Variants in BAZ2B observed in about 807,000 individuals in gnomAD.
The protein encoded by BAZ2B is bromodomain adjacent to zinc finger domain 2B.
In BAZ2B, 91 loss-of-function variants were observed where a neutral mutation model predicts 246.0. The observed-to-expected ratio is 0.37, with a 90% CI of 0.31 to 0.44. The LOEUF (loss-of-function observed/expected upper bound fraction) is 0.44, where lower values mean the gene tolerates loss of function less well. Among genes scored for constraint, BAZ2B ranks in the 20% least tolerant of loss-of-function variants. The pLI, the probability that BAZ2B is intolerant of heterozygous loss-of-function variation, is 1.00. For missense variants in BAZ2B, 2,332 were observed against 2,533.7 expected (o/e 0.92, Z 1.71); for synonymous variants, 855 against 860.0 (o/e 0.99, Z 0.10).
chr2:159,583,112 C>CTT (rs11296306), intron 1 of BAZ2B, among the ~76,000 whole-genome samples: 3 of 137,582 alleles, frequency 2.2e-5, no homozygotes, highest in Non-Finnish European at 3.1e-5. Context: ...TTTTTCTTTT[C>CTT]TTTTTTTTTT....
intron 21 of BAZ2B, among the ~76,000 whole-genome samples, chr2:159,388,625 A>G (rs2062926746): frequency 6.6e-6 from 1 of 152,178 alleles, no homozygotes; most frequent in Non-Finnish European, 1.5e-5. Flanking sequence ...TACTAACTCC[A>G]CAAGATTGTA....
chr2:159,353,103 T>A (rs944241859), intron 27 of BAZ2B, among the ~76,000 whole-genome samples: 18 of 152,254 alleles, frequency 1.2e-4, no homozygotes, highest in African/African-American at 4.3e-4. Flanking sequence ...CATCTGTAGT[T>A]CATTTTTGTG....
the BAZ2B span, among the ~76,000 whole-genome samples, chr2:159,668,116 T>C: frequency 6.6e-6 from 1 of 152,170 alleles, no homozygotes; most frequent in East Asian, 1.9e-4. Flanking sequence ...TTATATTTAT[T>C]CCTATTTTTC....
intron 2 of BAZ2B, among the ~76,000 whole-genome samples, chr2:159,531,642 C>A (rs2085392695): frequency 6.6e-6 from 1 of 152,142 alleles, no homozygotes; most frequent in Non-Finnish European, 1.5e-5. Flanking sequence ...TGCTCCAAAG[C>A]TGCCATTTTT....
the BAZ2B span, chr2:159,690,006 A>G: frequency 2.5e-6 from 1 of 403,234 alleles, no homozygotes; most frequent in East Asian, 4.7e-5. Context: ...ATTTTGTTAC[A>G]AGTAAGATCC....
rs1390023172 is a variant in BAZ2B at position 159,482,908 on chromosome 2, C to A, written c.-2-4187G>T. Among the ~76,000 whole-genome samples the A allele has an allele frequency of 3.3e-5, 5 of 152,266 alleles. 1 individual carries two copies. Among genetic ancestry groups the A allele is most frequent in the African/African-American group, 1.2e-4 (5 of 41,572 alleles). On this transcript the variant is annotated intron_variant, in intron 2 of 36. Transcript: ENST00000392783. ...AACAGTTCAGGTATCCAAGAACCAT[C>A]TATTCCTAGATTTCTGTTAGGGCCA...
intron 2 of BAZ2B, among the ~76,000 whole-genome samples, chr2:159,525,987 G>T (rs2084688062): frequency 6.6e-6 from 1 of 152,138 alleles, no homozygotes; most frequent in South Asian, 2.1e-4. Context: ...TATTGCAATA[G>T]TTGGTCTCCT....
At chr2:159,462,279 T>G (rs1483191076) in intron 3 of BAZ2B, 1 of 650,626 alleles carries the variant, frequency 1.5e-6, no homozygotes. Context: ...GAAAACTGGT[T>G]AACTTTGAAA....
intron 1 of BAZ2B, among the ~76,000 whole-genome samples, chr2:159,599,711 C>T (rs920815699): frequency 1.3e-5 from 2 of 151,768 alleles, no homozygotes; most frequent in Non-Finnish European, 2.9e-5. Flanking sequence ...CTGAGGCAGG[C>T]GGATCACAAG....
At chr2:159,640,219 A>G in the BAZ2B span, among the ~76,000 whole-genome samples, 3 of 152,144 alleles carry the variant, frequency 2.0e-5, no homozygotes, top group East Asian at 1.9e-4. Context: ...TATTATTAGA[A>G]CTAAAGAGAG....
chr2:159,534,177 G>A (rs962832291), intron 2 of BAZ2B, among the ~76,000 whole-genome samples: 22 of 152,160 alleles, frequency 1.4e-4, no homozygotes, highest in Admixed American at 1.4e-3. Context: ...AGCAAATAGA[G>A]TAAAACAATT....
At chr2:159,598,399 T>C (rs1691279562) in intron 1 of BAZ2B, among the ~76,000 whole-genome samples, 1 of 152,236 alleles carries the variant, frequency 6.6e-6, no homozygotes, top group South Asian at 2.1e-4. Context: ...TCAAAAGAGA[T>C]ATTTAGCTTT....
the BAZ2B span, among the ~76,000 whole-genome samples, chr2:159,655,022 G>A: frequency 6.6e-6 from 1 of 152,132 alleles, no homozygotes; most frequent in Admixed American, 6.5e-5. Context: ...GATGCAACAG[G>A]AAAGTCAAAG....
At chr2:159,663,868 T>C in the BAZ2B span, among the ~76,000 whole-genome samples, 4 of 51,640 alleles carry the variant, frequency 7.7e-5, no homozygotes, top group South Asian at 8.2e-4. Flanking sequence ...TTTTTTTTTT[T>C]TTTTTTTTTT....
intron 2 of BAZ2B, among the ~76,000 whole-genome samples, chr2:159,523,349 C>G (rs1398930729): frequency 2.6e-5 from 4 of 152,184 alleles, no homozygotes; most frequent in African/African-American, 7.2e-5. Context: ...TTACAGTGAG[C>G]TATGACTGTG....
intron 18 of BAZ2B, among the ~76,000 whole-genome samples, chr2:159,398,538 G>T (rs578090469): frequency 6.6e-6 from 1 of 151,856 alleles, no homozygotes; most frequent in South Asian, 2.1e-4. Flanking sequence ...TTTTGGGGGG[G>T]GTCATTCTTA....
chr2:159,383,128 C>T (rs1305607184), intron 24 of BAZ2B, among the ~76,000 whole-genome samples: 2 of 152,014 alleles, frequency 1.3e-5, no homozygotes, highest in East Asian at 3.9e-4. Flanking sequence ...AATTTCAATT[C>T]AAATTACTAC....
At chr2:159,618,907 G>C (rs566083550), upstream of BAZ2B, among the ~76,000 whole-genome samples, 4 of 152,140 alleles carry the variant, frequency 2.6e-5, no homozygotes, top group South Asian at 8.3e-4. Flanking sequence ...ATACTGCAAA[G>C]CATGGTTCAA....
chr2:159,648,540 G>A, the BAZ2B span, among the ~76,000 whole-genome samples: 2 of 152,162 alleles, frequency 1.3e-5, no homozygotes, highest in African/African-American at 4.8e-5. Context: ...AGATTACTTT[G>A]CATTTTTGGA....
Sources: allele counts gnomAD v4.1 joint callset (sites outside exome capture counted in the v4.1 genomes callset), GRCh38; gene constraint gnomAD v4.1.1; transcripts MANE v1.5; gene names NCBI Gene and HGNC (gene_info 2026-07-23, HGNC 2026-07-21).